The following SRRM4 variants were observed in gnomAD, a reference collection of about 807,000 sequenced individuals.
SRRM4 encodes the protein serine/arginine repetitive matrix protein 4.
A neutral mutation model predicts 68.9 loss-of-function variants in SRRM4; 33 were observed. The observed-to-expected ratio is 0.48, with a 90% CI of 0.36 to 0.64. The LOEUF (loss-of-function observed/expected upper bound fraction) is 0.64. SRRM4 is among the 30% of genes least tolerant of loss of function. The pLI, the probability that SRRM4 is intolerant of heterozygous loss-of-function variation, is 0.00. For missense variants in SRRM4, 817 were observed against 827.1 expected (o/e 0.99, Z 0.15); for synonymous variants, 318 against 318.8 (o/e 1.00, Z 0.03).
intron 1 of SRRM4, among the ~76,000 whole-genome samples, chr12:119,010,288 A>G (rs1047170622): frequency 6.6e-6 from 1 of 152,216 alleles, no homozygotes; most frequent in Non-Finnish European, 1.5e-5. Flanking sequence ...CCTGGCCTCA[A>G]GTAATCCGCC....
intron 1 of SRRM4, among the ~76,000 whole-genome samples, chr12:119,069,931 T>C (rs1291575533): frequency 6.6e-6 from 1 of 152,094 alleles, no homozygotes; most frequent in Non-Finnish European, 1.5e-5. Flanking sequence ...CAGGGTCATA[T>C]AGATACCATA....
chr12:119,012,413 A>T (rs1953455445), intron 1 of SRRM4, among the ~76,000 whole-genome samples: 2 of 152,236 alleles, frequency 1.3e-5, no homozygotes, highest in Admixed American at 1.3e-4. Context: ...TTCCTCAGAG[A>T]CAAAGCTTTC....
At chr12:119,129,872 A>AATCG (rs566939178) in intron 7 of SRRM4, among the ~76,000 whole-genome samples, 2 of 137,000 alleles carry the variant, frequency 1.5e-5, no homozygotes, top group East Asian at 4.6e-4. Flanking sequence ...TAGTTGGACA[A>AATCG]ATGGATGGAT....
chr12:119,113,506 C>T (rs918563024), intron 2 of SRRM4, among the ~76,000 whole-genome samples: 1 of 152,156 alleles, frequency 6.6e-6, no homozygotes, highest in East Asian at 1.9e-4. Context: ...ACATAACAAG[C>T]GCATAAATGC....
chr12:119,082,357 TC>T (rs1413290247), intron 1 of SRRM4, among the ~76,000 whole-genome samples: 35 of 152,262 alleles, frequency 2.3e-4, no homozygotes, highest in Non-Finnish European at 4.6e-4. Context: ...TCTCCCATCT[TC>T]CTTTCAGCCA....
chr12:119,041,998 A>G (rs1953672262), intron 1 of SRRM4, among the ~76,000 whole-genome samples: 1 of 152,080 alleles, frequency 6.6e-6, no homozygotes, highest in Non-Finnish European at 1.5e-5. Flanking sequence ...CTTTAATGTC[A>G]TTTGCGGTCA....
At chr12:119,093,591 C>T (rs1021588377) in intron 1 of SRRM4, among the ~76,000 whole-genome samples, 6 of 152,176 alleles carry the variant, frequency 3.9e-5, no homozygotes, top group African/African-American at 4.8e-5. Context: ...GTCTGCAATT[C>T]CAGCTGATCC....
At chr12:119,018,238 A>C (rs1953493541) in intron 1 of SRRM4, among the ~76,000 whole-genome samples, 1 of 152,214 alleles carries the variant, frequency 6.6e-6, no homozygotes, top group Admixed American at 6.5e-5. Flanking sequence ...GTCTATGAGG[A>C]TAGATTCTGA....
chr12:119,040,304 C>T (rs1953658384), intron 1 of SRRM4, among the ~76,000 whole-genome samples: 1 of 152,056 alleles, frequency 6.6e-6, no homozygotes, highest in African/African-American at 2.4e-5. Flanking sequence ...ATCACCCGAG[C>T]AGTATACACT....
At chr12:119,062,900 C>A (rs1415758142) in intron 1 of SRRM4, among the ~76,000 whole-genome samples, 1 of 152,168 alleles carries the variant, frequency 6.6e-6, no homozygotes, top group Non-Finnish European at 1.5e-5. Flanking sequence ...AAAATGAAGA[C>A]AACATTAATA....
At chr12:119,033,462 G>T (rs1395264722) in intron 1 of SRRM4, among the ~76,000 whole-genome samples, 1 of 152,130 alleles carries the variant, frequency 6.6e-6, no homozygotes, top group African/African-American at 2.4e-5. Flanking sequence ...TCAAGAGATG[G>T]AGGCCATCCT....
chr12:118,998,566 C>T (rs1953364325), intron 1 of SRRM4, among the ~76,000 whole-genome samples: 2 of 152,202 alleles, frequency 1.3e-5, no homozygotes, highest in Non-Finnish European at 2.9e-5. Context: ...GTGCCGTGCT[C>T]ATCACATTCA....
intron 1 of SRRM4, among the ~76,000 whole-genome samples, chr12:119,007,881 A>G (rs1202250566): frequency 6.6e-6 from 1 of 152,138 alleles, no homozygotes; most frequent in African/African-American, 2.4e-5. Context: ...TATGAGCCCC[A>G]TCTTGATTGG....
chr12:119,099,279 C>T (rs766367669), intron 1 of SRRM4, among the ~76,000 whole-genome samples: 31 of 152,242 alleles, frequency 2.0e-4, no homozygotes, highest in Admixed American at 3.9e-4. Flanking sequence ...GGATTACAGA[C>T]GTGCAACACC....
At chr12:119,008,403 A>C (rs151235975) in intron 1 of SRRM4, among the ~76,000 whole-genome samples, 191 of 152,066 alleles carry the variant, frequency 1.3e-3, no homozygotes, top group African/African-American at 4.4e-3. Context: ...ATGTTATCTA[A>C]TATCTATTCA....
chr12:119,134,402 G>A (rs906012531), intron 8 of SRRM4, among the ~76,000 whole-genome samples: 8 of 141,744 alleles, frequency 5.6e-5, no homozygotes, highest in East Asian at 2.1e-4. Flanking sequence ...AAAAAAAGAA[G>A]AAAAGAAAAA....
At chr12:119,056,662 C>G (rs2136019376) in intron 1 of SRRM4, among the ~76,000 whole-genome samples, 1 of 152,292 alleles carries the variant, frequency 6.6e-6, no homozygotes, top group East Asian at 1.9e-4. Context: ...TTTGCACATG[C>G]TGTTCTCTCG....
intron 1 of SRRM4, among the ~76,000 whole-genome samples, chr12:119,030,638 C>T (rs780486391): frequency 3.3e-5 from 5 of 152,160 alleles, no homozygotes; most frequent in Non-Finnish European, 7.4e-5. Context: ...CTGTATATCT[C>T]TCTCACAAAA....
chr12:119,040,672 TTGGAATA>T (rs143225410), intron 1 of SRRM4, among the ~76,000 whole-genome samples: 2,206 of 152,322 alleles, frequency 0.014, 29 homozygotes, highest in Non-Finnish European at 0.023. Flanking sequence ...AAGTATCTTT[TTGGAATA>T]ATGACTTCTT....
Sources: allele counts gnomAD v4.1 joint callset (sites outside exome capture counted in the v4.1 genomes callset), GRCh38; gene constraint gnomAD v4.1.1; transcripts MANE v1.5; gene names NCBI Gene and HGNC (gene_info 2026-07-23, HGNC 2026-07-21).